The following P2RY2 variants were observed in gnomAD, a reference collection of about 807,000 sequenced individuals.
P2RY2 encodes P2Y purinoceptor 2.
For synonymous variants in P2RY2, 241 were observed against 231.9 expected, an observed-to-expected ratio of 1.04 and a Z score of -0.35; for missense variants, 567 against 515.7, an observed-to-expected ratio of 1.10 and a Z score of -0.96.
rs1862629347 is a variant in P2RY2, at chr11:73,235,596, G to C, written c.*303G>C. On this transcript the variant is annotated 3_prime_UTR_variant, in exon 3 of 3. Transcript: ENST00000393597. Reference sequence around the variant, plus strand: ...TGCAAGTAGCTGGCTGTACTGCCAAGGTACCTAGGTTGGAGTCCAGCCTAA... The same window carrying C: ...TGCAAGTAGCTGGCTGTACTGCCAACGTACCTAGGTTGGAGTCCAGCCTAA... 1.8e-6 allele frequency: 2 copies of C among 1,112,064 alleles called. No homozygotes were observed. Among genetic ancestry groups the C allele is most frequent in the Middle Eastern group, 3.9e-4 (1 of 2,532 alleles). The allele number at this position is 1,112,064 out of a possible 1,614,324, so 68.9% of individuals were successfully genotyped here. A position where few individuals can be genotyped will look rare whatever the true frequency, so the allele number is the denominator to read the frequency against.
In P2RY2 at chr11:73,236,158, G is replaced by C. The variant is rs1862647142; in HGVS notation, c.*865G>C. The C allele has an allele frequency of 3.1e-5, 31 of 1,000,190 alleles. No homozygotes were observed. Among genetic ancestry groups the C allele is most frequent in the Non-Finnish European group, 3.7e-5 (31 of 830,008 alleles). The allele number at this position is 1,000,190 out of a possible 1,614,324, so 62.0% of individuals were successfully genotyped here. ...GACTCTGTGCTGAGCACAGAGAAAA[G>C]TCAGGTGCAGTCCCAGTCCTTGAGA... On this transcript the variant is annotated 3_prime_UTR_variant, in exon 3 of 3. Transcript: ENST00000393597.
chr11:73,225,188 C>T (rs1862242928), intron 1 of P2RY2, among the ~76,000 whole-genome samples: 1 of 152,230 alleles, frequency 6.6e-6, no homozygotes, highest in African/African-American at 2.4e-5. Flanking sequence ...CAGAGCCACT[C>T]TAGTGGAGGG....
intron 1 of P2RY2, among the ~76,000 whole-genome samples, chr11:73,222,858 G>C (rs1358609160): frequency 6.6e-6 from 1 of 152,180 alleles, no homozygotes; most frequent in East Asian, 1.9e-4. Context: ...AAGTGGATTT[G>C]GTCCATGTCT....
chr11:73,234,084 G>T, intron 2 of P2RY2, 72 bp from the exon 3 acceptor site: 1 of 1,513,290 alleles, frequency 6.6e-7, no homozygotes, highest in Non-Finnish European at 8.8e-7. Flanking sequence ...GCCCTGGTCA[G>T]GTGGCTGTGT....
At chr11:73,219,936 C>T (rs1862071894) in intron 1 of P2RY2, among the ~76,000 whole-genome samples, 1 of 152,238 alleles carries the variant, frequency 6.6e-6, no homozygotes, top group African/African-American at 2.4e-5. Flanking sequence ...CTGGGGCTGA[C>T]AGCCCTGGTC....
At chr11:73,218,737 G>C (rs1231239043) in intron 1 of P2RY2, 1 of 152,548 alleles carries the variant, frequency 6.6e-6, no homozygotes, top group Non-Finnish European at 1.5e-5. Context: ...GGGTGAGTGT[G>C]TGCGCCCCTC....
Position 73,235,351 on chromosome 11 carries a change from T to A in P2RY2, c.*58T>A. 1 of 1,509,364 alleles carries A rather than the reference T, an allele frequency of 6.6e-7. No individual in the cohort carries two copies. The highest frequency in any genetic ancestry group is 8.9e-7 in the Non-Finnish European group (1 of 1,129,096). The allele number at this position is 1,509,364 out of a possible 1,614,324, so 93.5% of individuals were successfully genotyped here. A position where few individuals can be genotyped will look rare whatever the true frequency, so the allele number is the denominator to read the frequency against. ...TTGGGAAGCTGTAGAGGACCAGGAC[T>A]TGTGCAGACGCCACAGTCTCCCCAG... On this transcript the variant is annotated 3_prime_UTR_variant, in exon 3 of 3. Transcript: ENST00000393597.
At chr11:73,219,676 G>A (rs769223026) in intron 1 of P2RY2, among the ~76,000 whole-genome samples, 13 of 152,208 alleles carry the variant, frequency 8.5e-5, no homozygotes, top group Non-Finnish European at 1.0e-4. Context: ...TTGATAACTG[G>A]GGCCTGCCAG....
chr11:73,228,885 G>A (rs1862363145), intron 2 of P2RY2, among the ~76,000 whole-genome samples: 4 of 152,214 alleles, frequency 2.6e-5, no homozygotes, highest in Admixed American at 6.5e-5. Flanking sequence ...AGTGGAAGTG[G>A]CTGCAGGAGG....
Position 73,234,941 on chromosome 11 carries a change from T to A in P2RY2, c.782T>A (p.Phe261Tyr). The A allele has an allele frequency of 2.5e-6, 4 of 1,611,066 alleles. No homozygotes were observed. The highest frequency in any genetic ancestry group is 3.4e-6 in the Non-Finnish European group (4 of 1,179,996). Residue 261 changes from phenylalanine (F) to tyrosine (Y), a missense_variant, in exon 3 of 3, where the codon TTC (phenylalanine) becomes TAC (tyrosine). Phe to Tyr is a conservative substitution (Grantham distance 22). Transcript: ENST00000393597. ...LAVFALCFLPFHVTRTLYYSF... is the reference protein window; with the variant it reads ...LAVFALCFLPYHVTRTLYYSF... ...GTCTTCGCCCTCTGCTTCCTGCCATTCCACGTCACCCGCACCCTCTACTAC... is the reference window on the plus strand; with the variant it reads ...GTCTTCGCCCTCTGCTTCCTGCCATACCACGTCACCCGCACCCTCTACTAC...
chr11:73,222,192 T>C lies in P2RY2; in HGVS notation c.-200+3760T>C, dbSNP rs1862137664. ...GACCTCCCTCAGACTTCTGGGGCTTTATGTGGCCTCTCCCTCCCCAGGTCT... is the reference window on the plus strand; with the variant it reads ...GACCTCCCTCAGACTTCTGGGGCTTCATGTGGCCTCTCCCTCCCCAGGTCT... On this transcript the variant is annotated intron_variant, in intron 1 of 2. Coordinates refer to ENST00000393597, the MANE Select transcript of P2RY2 (RefSeq NM_002564.4). Among the ~76,000 whole-genome samples the C allele has an allele frequency of 2.6e-5, 4 of 152,088 alleles. No individual in the cohort carries two copies. In the South Asian group the frequency reaches 8.3e-4, roughly 32 times the overall value.
At chr11:73,223,421 T>C (rs1591626331) in intron 1 of P2RY2, among the ~76,000 whole-genome samples, 1 of 152,184 alleles carries the variant, frequency 6.6e-6, no homozygotes, top group East Asian at 1.9e-4. Flanking sequence ...AGCAGTGTCA[T>C]GGGCTCCTGA....
intron 1 of P2RY2, among the ~76,000 whole-genome samples, chr11:73,224,099 C>T (rs566343344): frequency 2.0e-5 from 3 of 152,286 alleles, no homozygotes; most frequent in South Asian, 4.1e-4. Context: ...ACAACAGCAC[C>T]GGCTGATAGC....
chr11:73,224,533 C>T (rs568767800), intron 1 of P2RY2, among the ~76,000 whole-genome samples: 37 of 152,252 alleles, frequency 2.4e-4, no homozygotes, highest in Middle Eastern at 3.4e-3. Context: ...CCTCCCCTGA[C>T]GTTGACAGTG....
At chr11:73,222,238 G>A (rs757744336) in intron 1 of P2RY2, among the ~76,000 whole-genome samples, 11 of 152,062 alleles carry the variant, frequency 7.2e-5, no homozygotes, top group Admixed American at 1.3e-4. Flanking sequence ...TCTGGGTGTC[G>A]ACCTGGCTTC....
At chr11:73,218,889 G>C (rs1411608452) in intron 1 of P2RY2, among the ~76,000 whole-genome samples, 2 of 152,170 alleles carry the variant, frequency 1.3e-5, no homozygotes, top group African/African-American at 4.8e-5. Flanking sequence ...GTCACTCTGG[G>C]TGGCCACCTA....
At position 73,237,051 on chromosome 11, in the gene P2RY2, A is replaced by G. The variant is rs1862671417; in HGVS notation, c.*1758A>G. The stretch of plus-strand genomic sequence containing the variant: ...CTTCCCACTCTGCCTTGTGAAAGGC[A>G]GGACATCCCCAAAGCTTGCTGTATT... On this transcript the variant is annotated 3_prime_UTR_variant, in exon 3 of 3. Coordinates refer to ENST00000393597, the MANE Select transcript of P2RY2 (RefSeq NM_002564.4). 1.0e-6 allele frequency: 1 copy of G among 985,190 alleles called. No homozygotes were observed. The highest frequency in any genetic ancestry group is 1.7e-5 in the African/African-American group (1 of 57,202). The allele number at this position is 985,190 out of a possible 1,614,324, so 61.0% of individuals were successfully genotyped here.
chr11:73,220,103 C>T (rs965052410), intron 1 of P2RY2, among the ~76,000 whole-genome samples: 4 of 152,238 alleles, frequency 2.6e-5, no homozygotes, highest in Non-Finnish European at 5.9e-5. Context: ...CGCCCATCCC[C>T]TGTCTCTGGC....
chr11:73,223,569 C>T (rs185501003), intron 1 of P2RY2, among the ~76,000 whole-genome samples: 1 of 152,202 alleles, frequency 6.6e-6, no homozygotes. Flanking sequence ...GTGATTCTCC[C>T]CATCTGACCA....
Sources: allele counts gnomAD v4.1 joint callset (sites outside exome capture counted in the v4.1 genomes callset), GRCh38; gene constraint gnomAD v4.1.1; transcripts MANE v1.5; gene names NCBI Gene and HGNC (gene_info 2026-07-23, HGNC 2026-07-21).